SNX29: variants seen among roughly 807,000 people sequenced by gnomAD.
The protein encoded by SNX29 is sorting nexin 29.
A neutral mutation model predicts 102.1 loss-of-function variants in SNX29; 78 were observed. That is an observed-to-expected ratio of 0.76 (90% CI 0.64 to 0.92). The LOEUF is 0.92. Ranked by LOEUF, SNX29 falls within the 40% of genes least tolerant of loss-of-function variation. SNX29 has a pLI of 0.00. For synonymous variants in SNX29, 580 were observed against 414.5 expected (o/e 1.40, Z -4.85); for missense variants, 1,280 against 1,061.7 (o/e 1.21, Z -2.86).
In SNX29 at chr16:12,570,555, A is replaced by G; in HGVS notation, c.*1926A>G. The stretch of plus-strand genomic sequence containing the variant: ...AAGTAGGTGTTTGATGCCAGCTCAG[A>G]GACTGTCTCAGGAGTGCCTCCCTGG... On this transcript the variant is annotated 3_prime_UTR_variant, in exon 21 of 21. Coordinates refer to ENST00000566228, the MANE Select transcript of SNX29 (RefSeq NM_032167.5). 1 of 232,408 alleles carries G rather than the reference A, an allele frequency of 4.3e-6. No individual in the cohort carries two copies. Among genetic ancestry groups the G allele is most frequent in the East Asian group, 6.1e-5 (1 of 16,472 alleles). The allele number at this position is 232,408 out of a possible 1,614,324, so 14.4% of individuals were successfully genotyped here.
chr16:11,976,871 A>G (rs1379659708), intron 1 of SNX29, 58 bp downstream of exon 1: 3 of 1,315,948 alleles, frequency 2.3e-6, no homozygotes, highest in Admixed American at 4.1e-5. Context: ...CCGCCGCTCC[A>G]GCTGCACACT....
At chr16:12,000,295 C>T (rs1014725537) in intron 2 of SNX29, 6 of 152,528 alleles carry the variant, frequency 3.9e-5, no homozygotes, top group Admixed American at 2.6e-4. Flanking sequence ...ATCCTTCTAA[C>T]AACACTGTGA....
At chr16:12,568,353 T>C (rs540526189) in intron 20 of SNX29, among the ~76,000 whole-genome samples, 153 bp from the exon 21 acceptor site, 23 of 151,776 alleles carry the variant, frequency 1.5e-4, no homozygotes, top group African/African-American at 5.3e-4. Flanking sequence ...GTTTCTCATT[T>C]CTTCAGGTGG....
chr16:12,559,513 A>C (rs957222530), intron 20 of SNX29, among the ~76,000 whole-genome samples: 1 of 151,972 alleles, frequency 6.6e-6, no homozygotes, highest in Non-Finnish European at 1.5e-5. Flanking sequence ...AATGTAACAC[A>C]CTTTGTATCT....
intron 14 of SNX29, among the ~76,000 whole-genome samples, chr16:12,211,256 C>T (rs1303727783): frequency 6.6e-6 from 1 of 152,192 alleles, no homozygotes; most frequent in African/African-American, 2.4e-5. Flanking sequence ...GGACACTAAA[C>T]ATATAAGCAA....
At chr16:12,545,996 C>T (rs770105078) in intron 20 of SNX29, among the ~76,000 whole-genome samples, 3 of 152,210 alleles carry the variant, frequency 2.0e-5, no homozygotes, top group African/African-American at 4.8e-5. Flanking sequence ...GTTTGAACAC[C>T]TGGATGCCAA....
intron 20 of SNX29, among the ~76,000 whole-genome samples, chr16:12,537,066 G>C (rs548746109): frequency 1.4e-4 from 21 of 152,142 alleles, no homozygotes; most frequent in African/African-American, 3.9e-4. Context: ...TTTAGGAGAC[G>C]ATGTAGATTT....
In SNX29 at chr16:12,068,471, C is replaced by T. The variant is rs542548290; in HGVS notation, c.1244-586C>T. ...CACCACCACTGCACTCCATCTCAGC[C>T]TGGGTGACACAGTGAGACCCTGTCT... On this transcript the variant is annotated intron_variant, in intron 9 of 20. Coordinates refer to ENST00000566228, the MANE Select transcript of SNX29 (RefSeq NM_032167.5). 3.8e-5 allele frequency among the ~76,000 whole-genome samples: 5 copies of T among 133,296 alleles called. No individual in the cohort carries two copies. The South Asian group carries it at 1.2e-3, about 31-fold the overall frequency. 87.4% of individuals were successfully genotyped at this position (133,296 alleles called of 152,430 possible).
At chr16:12,047,651 C>CTTT (rs376623418) in intron 6 of SNX29, among the ~76,000 whole-genome samples, 23 of 126,612 alleles carry the variant, frequency 1.8e-4, no homozygotes, top group South Asian at 2.8e-4. Flanking sequence ...GGACCAAGGT[C>CTTT]TTTTTTTTTT....
At chr16:12,533,683 C>T (rs1248971667) in intron 20 of SNX29, among the ~76,000 whole-genome samples, 2 of 152,166 alleles carry the variant, frequency 1.3e-5, no homozygotes, top group African/African-American at 2.4e-5. Flanking sequence ...CCCAAATTTA[C>T]CTCTGTCGAC....
chr16:12,320,054 C>A (rs985871880), intron 15 of SNX29, among the ~76,000 whole-genome samples: 1 of 152,196 alleles, frequency 6.6e-6, no homozygotes, highest in Non-Finnish European at 1.5e-5. Context: ...GAGCTGCCAC[C>A]TCTCTGCAGT....
Position 12,571,125 on chromosome 16 carries a change from C to A in SNX29, c.*2496C>A. ...CTTTGGAATCCCATAGAATGTTCTG[C>A]AATGATTGGGTCCATCTTGCTGCTC... On this transcript the variant is annotated 3_prime_UTR_variant, in exon 21 of 21. Coordinates refer to ENST00000566228, the MANE Select transcript of SNX29 (RefSeq NM_032167.5). 4.3e-6 allele frequency: 1 copy of A among 232,622 alleles called. No individual in the cohort carries two copies. The highest frequency in any genetic ancestry group is 1.8e-4 in the South Asian group (1 of 5,532). 14.4% of individuals were successfully genotyped at this position (232,622 alleles called of 1,614,324 possible). A position where few individuals can be genotyped will look rare whatever the true frequency, so the allele number is the denominator to read the frequency against.
intron 15 of SNX29, among the ~76,000 whole-genome samples, chr16:12,297,586 A>G (rs780783612): frequency 2.0e-5 from 3 of 152,042 alleles, no homozygotes; most frequent in African/African-American, 7.2e-5. Context: ...CTGTTGTGTT[A>G]TAAAGATCAC....
chr16:12,201,775 A>T (rs945378292), intron 14 of SNX29, among the ~76,000 whole-genome samples: 5 of 152,206 alleles, frequency 3.3e-5, no homozygotes, highest in African/African-American at 4.8e-5. Flanking sequence ...ACTTACACAG[A>T]ACTTGGATTC....
chr16:12,541,835 C>A (rs1395187585), intron 20 of SNX29, among the ~76,000 whole-genome samples: 1 of 152,174 alleles, frequency 6.6e-6, no homozygotes, highest in East Asian at 1.9e-4. Flanking sequence ...TTCCCCTCTT[C>A]TCCCAGCTTT....
intron 16 of SNX29, among the ~76,000 whole-genome samples, chr16:12,381,381 A>AT (rs2083142457): frequency 2.1e-5 from 1 of 48,158 alleles, no homozygotes; most frequent in Non-Finnish European, 3.9e-5. Flanking sequence ...CCCATCATCC[A>AT]CCCACCCACT....
At chr16:12,064,587 C>G (rs2050936404) in intron 9 of SNX29, among the ~76,000 whole-genome samples, 1 of 152,246 alleles carries the variant, frequency 6.6e-6, no homozygotes, top group Non-Finnish European at 1.5e-5. Context: ...GGGCTGCGCA[C>G]AGGGGCAGGA....
In SNX29 at chr16:12,484,572, C is replaced by A. The variant is rs138785867; in HGVS notation, c.2178+6713C>A. Among the ~76,000 whole-genome samples the A allele has an allele frequency of 2.6e-3, 397 of 152,262 alleles. 1 individual carries two copies. Among genetic ancestry groups the A allele is most frequent in the Middle Eastern group, 6.8e-3 (2 of 294 alleles). Reference sequence around the variant, plus strand: ...CCCTCACCTCCCTCTCCTACCTTATCTCATGCCCTGCCCCCACCCTCTCCA... The same window carrying A: ...CCCTCACCTCCCTCTCCTACCTTATATCATGCCCTGCCCCCACCCTCTCCA... On this transcript the variant is annotated intron_variant, in intron 19 of 20. Transcript: ENST00000566228.
intron 19 of SNX29, among the ~76,000 whole-genome samples, chr16:12,523,964 A>G (rs985767014): frequency 1.3e-5 from 2 of 152,028 alleles, no homozygotes; most frequent in African/African-American, 2.4e-5. Context: ...TTGGCTCACC[A>G]CAGCCTCTGC....
Sources: allele counts gnomAD v4.1 joint callset (sites outside exome capture counted in the v4.1 genomes callset), GRCh38; gene constraint gnomAD v4.1.1; transcripts MANE v1.5; gene names NCBI Gene and HGNC (gene_info 2026-07-23, HGNC 2026-07-21).